The following CSGALNACT1 variants were observed in gnomAD, a reference collection of about 807,000 sequenced individuals.
CSGALNACT1 encodes the protein chondroitin sulfate N-acetylgalactosaminyltransferase 1, also known as beta4GalNAcT-1.
In CSGALNACT1, 52 loss-of-function variants were observed where a neutral mutation model predicts 51.0. The ratio of observed to expected loss-of-function variants is 1.02; its 90% CI spans 0.82 to 1.29. The LOEUF (loss-of-function observed/expected upper bound fraction) is 1.29, where lower values mean the gene tolerates loss of function less well. Among genes scored for constraint, CSGALNACT1 ranks in the 50% most tolerant of loss-of-function variants. The pLI, the probability that CSGALNACT1 is intolerant of heterozygous loss-of-function variation, is 0.00. For missense variants in CSGALNACT1, 935 were observed against 679.2 expected (o/e 1.38, Z -4.19); for synonymous variants, 341 against 254.4 (o/e 1.34, Z -3.24).
chr8:19,701,079 T>C (rs1336059348), intron 1 of CSGALNACT1, among the ~76,000 whole-genome samples: 2 of 150,956 alleles, frequency 1.3e-5, no homozygotes, highest in African/African-American at 4.9e-5. Context: ...ACAGAAATGA[T>C]GGCTGGAGCT....
chr8:19,717,596 T>A (rs2062881745), intron 1 of CSGALNACT1, among the ~76,000 whole-genome samples: 1 of 152,144 alleles, frequency 6.6e-6, no homozygotes, highest in Admixed American at 6.5e-5. Flanking sequence ...TGCCCCTTTA[T>A]GTGGTTTAGA....
chr8:19,564,906 G>A (rs2041595704), intron 3 of CSGALNACT1, among the ~76,000 whole-genome samples: 1 of 152,130 alleles, frequency 6.6e-6, no homozygotes, highest in Admixed American at 6.5e-5. Context: ...CACACAGCAG[G>A]GATTCAGTAA....
At position 19,428,825 on chromosome 8, in the gene CSGALNACT1, ATGTGTGTGTGTGTG is replaced by A. The variant is rs59241616; in HGVS notation, c.954-8321_954-8308del. 7.3e-3 allele frequency among the ~76,000 whole-genome samples: 1,048 copies of A among 143,416 alleles called. 15 individuals carry two copies. Among genetic ancestry groups the A allele is most frequent in the Middle Eastern group, 0.021 (6 of 282 alleles). 94.1% of individuals were successfully genotyped at this position (143,416 alleles called of 152,430 possible). Reference sequence around the variant, plus strand: ...ACACCCTTCTCACATAAGACATGATATGTGTGTGTGTGTGTGTGTGTGTGTGTGTGTGTGTGTGT... The same window carrying A: ...ACACCCTTCTCACATAAGACATGATATGTGTGTGTGTGTGTGTGTGTGTGT... On this transcript the variant is annotated intron_variant, in intron 6 of 9. Transcript: ENST00000454498.
At chr8:19,489,920 C>T (rs889022619) in intron 4 of CSGALNACT1, among the ~76,000 whole-genome samples, 6 of 152,160 alleles carry the variant, frequency 3.9e-5, no homozygotes, top group African/African-American at 1.4e-4. Context: ...TGTGTTCTAA[C>T]CAAAGTCTCC....
chr8:19,582,196 C>T (rs2045728212), intron 3 of CSGALNACT1, among the ~76,000 whole-genome samples: 1 of 152,200 alleles, frequency 6.6e-6, no homozygotes, highest in Non-Finnish European at 1.5e-5. Context: ...TTCCTCCATT[C>T]ACTGGGATTT....
At chr8:19,672,849 A>T (rs946319544) in intron 1 of CSGALNACT1, among the ~76,000 whole-genome samples, 3 of 152,226 alleles carry the variant, frequency 2.0e-5, no homozygotes, top group Non-Finnish European at 4.4e-5. Flanking sequence ...AAAAATAAAA[A>T]AACAGGCTAC....
intron 1 of CSGALNACT1, among the ~76,000 whole-genome samples, chr8:19,665,150 A>C (rs2059086239): frequency 6.6e-6 from 1 of 152,176 alleles, no homozygotes; most frequent in South Asian, 2.1e-4. Context: ...AGTAGGTGGG[A>C]TTACAGGCAT....
At chr8:19,755,467 A>AAAAAAAAAAAAAAAAAAAAAAAAAAC (rs1563239835) in intron 1 of CSGALNACT1, among the ~76,000 whole-genome samples, 1 of 129,692 alleles carries the variant, frequency 7.7e-6, no homozygotes, top group Non-Finnish European at 1.7e-5. Flanking sequence ...AAAAAAAAAA[A>AAAAAAAAAAAAAAAAAAAAAAAAAAC]AAAAAAAAAA....
At chr8:19,595,253 T>G (rs1441994348) in intron 2 of CSGALNACT1, among the ~76,000 whole-genome samples, 1 of 152,226 alleles carries the variant, frequency 6.6e-6, no homozygotes, top group Admixed American at 6.5e-5. Context: ...AGGTTATCCC[T>G]TTAGAGCGAG....
chr8:19,632,611 C>T (rs1305758991), intron 1 of CSGALNACT1, among the ~76,000 whole-genome samples: 1 of 152,202 alleles, frequency 6.6e-6, no homozygotes, highest in Non-Finnish European at 1.5e-5. Flanking sequence ...TGCAGCCATC[C>T]CTGTATTTCA....
chr8:19,482,119 C>G (rs1039998168), intron 4 of CSGALNACT1, among the ~76,000 whole-genome samples: 2 of 152,160 alleles, frequency 1.3e-5, no homozygotes, highest in African/African-American at 2.4e-5. Context: ...ACAGCTACCG[C>G]TCCTACCATT....
At chr8:19,751,335 C>T (rs2065014394) in intron 1 of CSGALNACT1, among the ~76,000 whole-genome samples, 1 of 152,156 alleles carries the variant, frequency 6.6e-6, no homozygotes, top group African/African-American at 2.4e-5. Context: ...AAATGAAGAA[C>T]TCACATACCA....
intron 1 of CSGALNACT1, among the ~76,000 whole-genome samples, chr8:19,715,869 G>A (rs1003746016): frequency 1.3e-5 from 2 of 152,124 alleles, no homozygotes; most frequent in African/African-American, 4.8e-5. Flanking sequence ...GATACCCTGT[G>A]TTCAGGGCAA....
intron 8 of CSGALNACT1, among the ~76,000 whole-genome samples, chr8:19,415,299 T>A (rs77944654): frequency 0.015 from 2,258 of 152,340 alleles, 56 homozygotes; most frequent in African/African-American, 0.052. Context: ...AAGAACTGGT[T>A]TGTCCAGTAA....
chr8:19,446,363 C>A (rs1003166169), intron 5 of CSGALNACT1, among the ~76,000 whole-genome samples: 1 of 152,170 alleles, frequency 6.6e-6, no homozygotes. Flanking sequence ...GTCTACGAAG[C>A]CTTTGCCATG....
chr8:19,407,476 A>G (rs535720081), intron 9 of CSGALNACT1, among the ~76,000 whole-genome samples: 181 of 152,278 alleles, frequency 1.2e-3, no homozygotes, highest in Non-Finnish European at 2.1e-3. Flanking sequence ...GGGACTGTTC[A>G]TTCATACCCA....
chr8:19,498,854 CTGT>C (rs1284660345), intron 4 of CSGALNACT1, among the ~76,000 whole-genome samples: 1 of 152,218 alleles, frequency 6.6e-6, no homozygotes, highest in African/African-American at 2.4e-5. Flanking sequence ...TGGCTTATGC[CTGT>C]AATCTCAATG....
chr8:19,512,482 G>A (rs111837740), intron 3 of CSGALNACT1, among the ~76,000 whole-genome samples: 1 of 152,158 alleles, frequency 6.6e-6, no homozygotes, highest in South Asian at 2.1e-4. Flanking sequence ...CCAACAGATA[G>A]ATAACTAATT....
intron 1 of CSGALNACT1, among the ~76,000 whole-genome samples, chr8:19,705,625 T>C (rs1018456235): frequency 2.0e-5 from 3 of 152,034 alleles, no homozygotes; most frequent in Non-Finnish European, 4.4e-5. Context: ...TAGTCCCAAC[T>C]ACTCGGAAGC....
Sources: allele counts gnomAD v4.1 joint callset (sites outside exome capture counted in the v4.1 genomes callset), GRCh38; gene constraint gnomAD v4.1.1; transcripts MANE v1.5; gene names NCBI Gene and HGNC (gene_info 2026-07-23, HGNC 2026-07-21).